MYOM3: variants seen among roughly 807,000 people sequenced by gnomAD.
MYOM3 encodes the protein myomesin 3.
In MYOM3, 155 loss-of-function variants were observed where a neutral mutation model predicts 191.7. The observed-to-expected ratio is 0.81, with a 90% confidence interval of 0.71 to 0.92. The LOEUF is 0.92. Ranked by LOEUF, MYOM3 falls within the 40% of genes least tolerant of loss-of-function variation. The pLI, the probability that MYOM3 is intolerant of heterozygous loss-of-function variation, is 0.00. For missense variants in MYOM3, 1,889 were observed against 1,890.6 expected, an observed-to-expected ratio of 1.00 and a Z score of 0.02; for synonymous variants, 757 against 762.9, an observed-to-expected ratio of 0.99 and a Z score of 0.13.
chr1:24,067,371 TC>T, intron 27 of MYOM3, among the ~76,000 whole-genome samples: 4 of 116,822 alleles, frequency 3.4e-5, no homozygotes, highest in Admixed American at 2.7e-4. Flanking sequence ...TTTCTTTCTT[TC>T]CTTCTTTCTT....
Position 24,087,033 on chromosome 1 carries a change from C to G in MYOM3, c.1615-206G>C, listed in dbSNP as rs1329279703. 1.3e-5 allele frequency among the ~76,000 whole-genome samples: 2 copies of G among 152,174 alleles called. No homozygotes were observed. Among genetic ancestry groups the G allele is most frequent in the Admixed American group, 6.5e-5 (1 of 15,280 alleles). On this transcript the variant is annotated intron_variant, in intron 14 of 36. Transcript: ENST00000374434. The surrounding 1 kb of genome is among the most constrained non-coding windows in gnomAD (Gnocchi z 4.5). ...TACCGAGACCTCACGTCCAGCCTGT[C>G]CACAACGCGGCTCCAGAGCTTCCCA...
At chr1:24,066,587 A>T in intron 28 of MYOM3, 2 of 362,768 alleles carry the variant, frequency 5.5e-6, no homozygotes, top group Non-Finnish European at 5.0e-6. Flanking sequence ...TGTGGCCTTG[A>T]GCTATTTCTC....
At position 24,108,645 on chromosome 1, in the gene MYOM3, G is replaced by A; in HGVS notation, c.-9C>T. On this transcript the variant is annotated 5_prime_UTR_variant, in exon 2 of 37. Coordinates refer to ENST00000374434, the MANE Select transcript of MYOM3 (RefSeq NM_152372.4). The stretch of plus-strand genomic sequence containing the variant: ...CTGTGCGGCAGAGTCATGGTTACGA[G>A]AGCAACAACCTGTGAAGGCCAAGGT... 6.5e-7 allele frequency: 1 copy of A among 1,544,216 alleles called. No homozygotes were observed. The highest frequency in any genetic ancestry group is 8.7e-7 in the Non-Finnish European group (1 of 1,147,412).
At position 24,086,810 on chromosome 1, in the gene MYOM3, G is replaced by A. The variant is rs1008594173; in HGVS notation, c.1632C>T (p.Gly544=). 17 of 1,613,980 alleles carry A rather than the reference G, an allele frequency of 1.1e-5. No homozygotes were observed. The highest frequency in any genetic ancestry group is 1.4e-5 in the Non-Finnish European group (17 of 1,179,960). ...YSLEKSVIGS[G]TWEAISSESP... ...TTTCCGAGCTGATGGCCTCCCAGGT[G>A]CCACTACCTATGACTGACTGAAGAA... The change falls in exon 15 of 37, where the codon GGC becomes GGT. Residue 544 remains glycine (G), a synonymous_variant. Coordinates refer to ENST00000374434, the MANE Select transcript of MYOM3 (RefSeq NM_152372.4).
intron 12 of MYOM3, 102 bp downstream of exon 12, chr1:24,090,695 C>A: frequency 8.4e-7 from 1 of 1,196,172 alleles, no homozygotes; most frequent in Non-Finnish European, 1.2e-6. Flanking sequence ...CTTCCTCCAC[C>A]AGACTCGGGG....
In MYOM3 at chr1:24,076,182, G is replaced by A; in HGVS notation, c.2678C>T (p.Pro893Leu). 1 of 1,614,100 alleles carries A rather than the reference G, an allele frequency of 6.2e-7. No individual in the cohort carries two copies. The highest frequency in any genetic ancestry group is 2.2e-5 in the East Asian group (1 of 44,886). The change falls in exon 21 of 37, where the codon CCC (proline) becomes CTC (leucine). Residue 893 changes from proline to leucine, a missense_variant. Transcript: ENST00000374434. Reference protein sequence around the residue: ...GLGQPSMPTDPVLLEDKPGAH... With the variant: ...GLGQPSMPTDLVLLEDKPGAH... ...ACCTGGCTTGTCCTCCAGGAGCACG[G>A]GATCAGTGGGCATGGACGGTTGCCC...
intron 27 of MYOM3, 80 bp downstream of exon 27, chr1:24,067,890 G>T (rs1443067172): frequency 9.2e-6 from 13 of 1,415,232 alleles, no homozygotes; most frequent in Non-Finnish European, 1.2e-5. Context: ...CAGGGCTGGG[G>T]TTCCCATTAA....
chr1:24,078,732 T>C (rs909705791), intron 20 of MYOM3, among the ~76,000 whole-genome samples: 1 of 152,220 alleles, frequency 6.6e-6, no homozygotes, highest in African/African-American at 2.4e-5. Flanking sequence ...CTGAGACACA[T>C]TGGCCTTAGG....
At chr1:24,079,842 G>A (rs148948379) in intron 20 of MYOM3, among the ~76,000 whole-genome samples, 174 bp downstream of exon 20, 26 of 152,310 alleles carry the variant, frequency 1.7e-4, no homozygotes, top group Non-Finnish European at 3.8e-4. Context: ...ATGGGCACCA[G>A]CCAGCCAGAC....
Position 24,063,944 on chromosome 1 carries a change from AC to A in MYOM3, c.3622+127del. 4.0e-6 allele frequency: 3 copies of A among 752,464 alleles called. No individual in the cohort carries two copies. The South Asian group carries it at 5.3e-5, about 13-fold the overall frequency. The allele number at this position is 752,464 out of a possible 1,614,324, so 46.6% of individuals were successfully genotyped here. ...CTAGATGTGGAATCTTGGGCAAGTTACTTAATCTCTTTGTGCCTCAATTTCT... is the reference window on the plus strand; with the variant it reads ...CTAGATGTGGAATCTTGGGCAAGTTATTAATCTCTTTGTGCCTCAATTTCT... On this transcript the variant is annotated intron_variant, in intron 30 of 36. Coordinates refer to ENST00000374434, the MANE Select transcript of MYOM3 (RefSeq NM_152372.4). The surrounding 1 kb of genome is among the most constrained non-coding windows in gnomAD (Gnocchi z 4.5).
chr1:24,069,745 G>C (rs1454185304), intron 25 of MYOM3, among the ~76,000 whole-genome samples: 1 of 152,020 alleles, frequency 6.6e-6, no homozygotes, highest in East Asian at 1.9e-4. Context: ...GAGTAGCTGA[G>C]AGTACAGGTG....
Position 24,090,826 on chromosome 1 carries a change from C to T in MYOM3, c.1403G>A (p.Gly468Asp), listed in dbSNP as rs1643809944. 1.2e-6 allele frequency: 2 copies of T among 1,614,044 alleles called. No homozygotes were observed. The highest frequency in any genetic ancestry group is 1.7e-6 in the Non-Finnish European group (2 of 1,180,022). The change falls in exon 12 of 37, where the codon GGT becomes GAT. Residue 468 changes from glycine to aspartate, a missense_variant. Transcript: ENST00000374434. ...CTTCCTCCGGGCTGCATCATGGTCA[C>T]CCATGACAACCAACTCTGAGGCCTT... ...PSKASELVVMGDHDAARRKTE... is the reference protein window; with the variant it reads ...PSKASELVVMDDHDAARRKTE...
intron 14 of MYOM3, 61 bp from the exon 15 acceptor site, chr1:24,086,888 C>T (rs1643756942): frequency 4.6e-6 from 7 of 1,531,192 alleles, no homozygotes; most frequent in East Asian, 2.2e-5. Context: ...CTGTGCTGGT[C>T]ACCTCCCATG....
chr1:24,062,454 A>T (rs570687021), intron 32 of MYOM3, among the ~76,000 whole-genome samples: 27 of 152,118 alleles, frequency 1.8e-4, no homozygotes, highest in African/African-American at 6.0e-4. Flanking sequence ...CTTGGCTCTC[A>T]CTCATTTGAC....
chr1:24,090,597 A>G (rs1242043635), intron 12 of MYOM3, among the ~76,000 whole-genome samples, 200 bp downstream of exon 12: 1 of 151,934 alleles, frequency 6.6e-6, no homozygotes, highest in Non-Finnish European at 1.5e-5. Flanking sequence ...TAAGGACCGG[A>G]TTGTGTCTCC....
chr1:24,097,116 G>A (rs545811143), intron 7 of MYOM3, among the ~76,000 whole-genome samples: 80 of 152,318 alleles, frequency 5.3e-4, no homozygotes, highest in African/African-American at 1.9e-3. Flanking sequence ...CCTCCAGGAG[G>A]GGCCCAAGCC....
chr1:24,073,612 C>T (rs1643558473), intron 23 of MYOM3, among the ~76,000 whole-genome samples: 1 of 152,154 alleles, frequency 6.6e-6, no homozygotes, highest in African/African-American at 2.4e-5. Flanking sequence ...CGCCTGTAAT[C>T]CCAACACTTT....
At chr1:24,097,687 G>A (rs1248472057) in intron 7 of MYOM3, among the ~76,000 whole-genome samples, 1 of 152,214 alleles carries the variant, frequency 6.6e-6, no homozygotes, top group Non-Finnish European at 1.5e-5. Flanking sequence ...ACAGGGACAG[G>A]TGATCCTGCC....
intron 23 of MYOM3, 94 bp downstream of exon 23, chr1:24,074,066 A>C: frequency 1.1e-6 from 1 of 892,094 alleles, no homozygotes; most frequent in Non-Finnish European, 1.8e-6. Context: ...TTGCCACTTT[A>C]CTCATTTTGG....
Sources: gnomAD v4.1 joint callset for allele counts (sites outside exome capture counted in the v4.1 genomes callset) on GRCh38, gnomAD v4.1.1 for gene constraint, Gnocchi (gnomAD v3.1) non-coding constraint, MANE v1.5 for transcripts, NCBI Gene and HGNC (gene_info 2026-07-23, HGNC 2026-07-21) for gene names.